The following STPG2 variants were observed in gnomAD, a reference collection of about 807,000 sequenced individuals.
The protein encoded by STPG2 is sperm tail PG-rich repeat containing 2, also known as sperm-tail PG-rich repeat-containing protein 2.
STPG2 carries 56 observed loss-of-function variants against 54.2 expected under a neutral mutation model. That is an observed-to-expected ratio of 1.03 (90% CI 0.83 to 1.29). The LOEUF is 1.29. Ranked by LOEUF, STPG2 falls within the 50% of genes most tolerant of loss-of-function variation. The pLI, the probability that STPG2 is intolerant of heterozygous loss-of-function variation, is 0.00. For synonymous variants in STPG2, 200 were observed against 181.8 expected, an observed-to-expected ratio of 1.10 and a Z score of -0.81; for missense variants, 596 against 544.9, an observed-to-expected ratio of 1.09 and a Z score of -0.93.
intron 5 of STPG2, among the ~76,000 whole-genome samples, chr4:98,016,338 T>TGA (rs1292943117): frequency 6.6e-6 from 1 of 152,230 alleles, no homozygotes; most frequent in African/African-American, 2.4e-5. Context: ...CTTCTGTAGT[T>TGA]ATGTTTTTAA....
chr4:98,139,434 A>G (rs1740219315), intron 1 of STPG2, among the ~76,000 whole-genome samples: 1 of 152,170 alleles, frequency 6.6e-6, no homozygotes, highest in Middle Eastern at 3.2e-3. Flanking sequence ...TAAGTTATAT[A>G]AAGTCCCTAC....
chr4:98,129,139 A>G (rs1169555011), intron 2 of STPG2, among the ~76,000 whole-genome samples: 1 of 152,250 alleles, frequency 6.6e-6, no homozygotes, highest in Admixed American at 6.5e-5. Context: ...AATAGAATAG[A>G]TAACTATTAA....
intron 5 of STPG2, among the ~76,000 whole-genome samples, chr4:98,064,776 T>A (rs543623743): frequency 5.3e-5 from 8 of 152,318 alleles, no homozygotes; most frequent in African/African-American, 1.9e-4. Context: ...TCTCAATGTA[T>A]CTGTCTTGTC....
At chr4:97,473,809 G>A (rs1421614400) in intron 4 of STPG2, among the ~76,000 whole-genome samples, 1 of 151,948 alleles carries the variant, frequency 6.6e-6, no homozygotes, top group African/African-American at 2.4e-5. Flanking sequence ...TCTCTCTTTT[G>A]TACTCTGTCC....
chr4:97,545,719 ATTGG>A (rs1195929683), intron 4 of STPG2, among the ~76,000 whole-genome samples: 4 of 152,110 alleles, frequency 2.6e-5, no homozygotes, highest in African/African-American at 9.7e-5. Flanking sequence ...GATTAGGGAA[ATTGG>A]TTGAATTCCA....
chr4:97,646,153 T>C (rs1320930693), intron 10 of STPG2, among the ~76,000 whole-genome samples: 1 of 152,144 alleles, frequency 6.6e-6, no homozygotes, highest in African/African-American at 2.4e-5. Context: ...TTAAAATATG[T>C]GGTTTTGAAG....
intron 4 of STPG2, among the ~76,000 whole-genome samples, chr4:97,550,379 C>G (rs1731937720): frequency 6.6e-6 from 1 of 151,562 alleles, no homozygotes. Context: ...AATCAAGAAA[C>G]ACAAAAAAAT....
chr4:98,115,715 T>C (rs1274664203), intron 3 of STPG2, among the ~76,000 whole-genome samples: 1 of 151,960 alleles, frequency 6.6e-6, no homozygotes, highest in African/African-American at 2.4e-5. Flanking sequence ...CCCAGAATTA[T>C]CGAAAATTCA....
At chr4:97,788,182 T>G (rs1726883835) in intron 9 of STPG2, among the ~76,000 whole-genome samples, 1 of 152,050 alleles carries the variant, frequency 6.6e-6, no homozygotes, top group African/African-American at 2.4e-5. Context: ...TCTATCTAAC[T>G]GTATTTCTGT....
rs549361915 is a variant in STPG2, at chr4:97,683,083, A to G, written c.1320+29616T>C. On this transcript the variant is annotated intron_variant, in intron 10 of 10. Coordinates refer to ENST00000295268, the MANE Select transcript of STPG2 (RefSeq NM_174952.3). ...ATTTCATGATACTGGCAAAAAGAAA[A>G]AGAGATTCCTGGGTCAGATACGAAT... 5.3e-5 allele frequency among the ~76,000 whole-genome samples: 8 copies of G among 151,948 alleles called. No homozygotes were observed. The South Asian group carries it at 1.7e-3, about 31-fold the overall frequency.
At chr4:97,656,337 A>G (rs1722218033) in intron 10 of STPG2, among the ~76,000 whole-genome samples, 1 of 152,176 alleles carries the variant, frequency 6.6e-6, no homozygotes. Flanking sequence ...TCAAATGCCA[A>G]GAAGGTTTGT....
At chr4:98,075,804 C>T (rs1207527041) in intron 5 of STPG2, among the ~76,000 whole-genome samples, 4 of 152,296 alleles carry the variant, frequency 2.6e-5, no homozygotes, top group African/African-American at 7.2e-5. Context: ...TAGGAATATA[C>T]TCTGGAGATT....
At chr4:97,553,321 G>T (rs1222973037) in intron 4 of STPG2, among the ~76,000 whole-genome samples, 1 of 152,004 alleles carries the variant, frequency 6.6e-6, no homozygotes, top group Non-Finnish European at 1.5e-5. Context: ...ATAATATGTT[G>T]CTGCAAAGCT....
At chr4:97,846,840 C>G (rs192956914) in intron 8 of STPG2, among the ~76,000 whole-genome samples, 17 of 152,230 alleles carry the variant, frequency 1.1e-4, no homozygotes, top group African/African-American at 4.1e-4. Flanking sequence ...TAAGCCAGAA[C>G]TACTTCCTCT....
intron 4 of STPG2, among the ~76,000 whole-genome samples, chr4:97,526,568 A>G (rs1355122397): frequency 1.3e-5 from 2 of 151,928 alleles, no homozygotes; most frequent in Non-Finnish European, 2.9e-5. Flanking sequence ...GAGATTCTGG[A>G]TATCAGCCCT....
intron 4 of STPG2, among the ~76,000 whole-genome samples, chr4:97,486,184 A>C (rs1730351806): frequency 6.6e-6 from 1 of 151,960 alleles, no homozygotes; most frequent in African/African-American, 2.4e-5. Flanking sequence ...GGACTTAATT[A>C]AACTAAAGAG....
intron 10 of STPG2, among the ~76,000 whole-genome samples, chr4:97,567,186 T>G (rs1007645595): frequency 5.4e-5 from 8 of 147,112 alleles, no homozygotes; most frequent in East Asian, 2.0e-4. Flanking sequence ...TAGTCATAGC[T>G]GTAACACACA....
In STPG2 at chr4:97,938,031, C is replaced by T. The variant is rs912757449; in HGVS notation, c.1044+5866G>A. 3.9e-5 allele frequency among the ~76,000 whole-genome samples: 6 copies of T among 152,286 alleles called. No homozygotes were observed. The South Asian group carries it at 1.2e-3, about 32-fold the overall frequency. ...CCACAGAGACCATGGCCACCCCTTC[C>T]CCTAGGGATTCAGACTGAAGGAAAT... On this transcript the variant is annotated intron_variant, in intron 8 of 10. Coordinates refer to ENST00000295268, the MANE Select transcript of STPG2 (RefSeq NM_174952.3).
In STPG2 at chr4:97,736,110, C is replaced by T. The variant is rs140178748; in HGVS notation, c.1205-23296G>A. 2.6e-4 allele frequency among the ~76,000 whole-genome samples: 40 copies of T among 152,142 alleles called. 1 individual carries two copies. The East Asian group carries it at 7.5e-3, about 29-fold the overall frequency. ...TTGGTGGAAATGTAGATTGGTACAG[C>T]CCTTATGAAAAGTAAAATGTCAATT... is the stretch of plus-strand genomic sequence containing the variant. On this transcript the variant is annotated intron_variant, in intron 9 of 10. Coordinates refer to ENST00000295268, the MANE Select transcript of STPG2 (RefSeq NM_174952.3).
Sources: gnomAD v4.1 joint callset for allele counts (sites outside exome capture counted in the v4.1 genomes callset) on GRCh38, gnomAD v4.1.1 for gene constraint, MANE v1.5 for transcripts, NCBI Gene and HGNC (gene_info 2026-07-23, HGNC 2026-07-21) for gene names.